OSBPL8: variants seen among roughly 807,000 people sequenced by gnomAD.
The protein encoded by OSBPL8 is oxysterol-binding protein-related protein 8.
Under a neutral mutation model 125.5 loss-of-function variants are expected in OSBPL8, and 59 were observed. The observed-to-expected ratio is 0.47, with a 90% CI of 0.38 to 0.58. The LOEUF is 0.58. Ranked by LOEUF, OSBPL8 falls within the 20% of genes least tolerant of loss-of-function variation. The probability of loss-of-function intolerance (pLI) is 0.00; values close to 1 mark genes in which losing one functional copy is unlikely to be tolerated. For missense variants in OSBPL8, 758 were observed against 1,047.8 expected, an observed-to-expected ratio of 0.72 and a Z score of 3.82; for synonymous variants, 330 against 338.9, an observed-to-expected ratio of 0.97 and a Z score of 0.29.
At chr12:76,408,143 T>TAAAAAAA (rs376221340) in intron 5 of OSBPL8, among the ~76,000 whole-genome samples, 1 of 92,030 alleles carries the variant, frequency 1.1e-5, no homozygotes, top group Non-Finnish European at 2.1e-5. Flanking sequence ...CCTCATCTCT[T>TAAAAAAA]AAAAAAAAAA....
chr12:76,459,732 CA>C (rs1276554394), intron 3 of OSBPL8, 126 bp downstream of exon 3: 13 of 1,089,604 alleles, frequency 1.2e-5, no homozygotes, highest in Non-Finnish European at 1.7e-5. Context: ...CTTTATATTT[CA>C]ATTCCTGGAA....
chr12:76,491,772 G>A (rs1430201427), intron 1 of OSBPL8, among the ~76,000 whole-genome samples: 4 of 152,126 alleles, frequency 2.6e-5, no homozygotes, highest in Admixed American at 2.0e-4. Context: ...ATCCAAAACA[G>A]CAGATGATAT....
At chr12:76,531,027 A>T (rs929957951) in intron 1 of OSBPL8, among the ~76,000 whole-genome samples, 42 of 152,168 alleles carry the variant, frequency 2.8e-4, no homozygotes, top group African/African-American at 7.5e-4. Flanking sequence ...TGCTATAAAC[A>T]ACTGCCCGAG....
chr12:76,446,169 A>G lies in OSBPL8; in HGVS notation c.217+4682T>C, dbSNP rs147657120. ...TGAGGACCTTTAAATGTTATGCACTATATTATCAATAAGCTTTTGGAACTC... is the reference window on the plus strand; with the variant it reads ...TGAGGACCTTTAAATGTTATGCACTGTATTATCAATAAGCTTTTGGAACTC... On this transcript the variant is annotated intron_variant, in intron 4 of 23. Transcript: ENST00000261183. Among the ~76,000 whole-genome samples the G allele has an allele frequency of 4.5e-4, 69 of 152,344 alleles. 1 individual carries two copies. In the East Asian group the frequency reaches 0.013, roughly 29 times the overall value.
intron 1 of OSBPL8, among the ~76,000 whole-genome samples, chr12:76,519,278 T>C (rs1188392858): frequency 2.0e-5 from 3 of 152,184 alleles, no homozygotes; most frequent in Admixed American, 2.0e-4. Flanking sequence ...CCAGGCTCTT[T>C]CTTTGCTGGG....
At chr12:76,373,513 C>A in intron 17 of OSBPL8, 80 bp from the exon 18 acceptor site, 2 of 1,029,766 alleles carry the variant, frequency 1.9e-6, no homozygotes, top group Non-Finnish European at 2.8e-6. Context: ...AAAAACCCAA[C>A]AAAAATTGCT....
intron 2 of OSBPL8, among the ~76,000 whole-genome samples, chr12:76,477,198 C>T (rs368168989): frequency 2.7e-4 from 41 of 152,300 alleles, no homozygotes; most frequent in Non-Finnish European, 4.9e-4. Flanking sequence ...CCAACTCAAA[C>T]TTTTGGGTCT....
intron 4 of OSBPL8, among the ~76,000 whole-genome samples, chr12:76,411,388 G>A (rs565000620): frequency 2.0e-5 from 3 of 152,042 alleles, no homozygotes; most frequent in South Asian, 2.1e-4. Flanking sequence ...TTTGAGGACA[G>A]GTACTATTAA....
chr12:76,371,438 G>A lies in OSBPL8; in HGVS notation c.2054+10C>T. The A allele has an allele frequency of 6.3e-7, 1 of 1,596,924 alleles. No individual in the cohort carries two copies. Among genetic ancestry groups the A allele is most frequent in the Non-Finnish European group, 8.5e-7 (1 of 1,172,096 alleles). ...TCCTCATGAAGTTAGCTGTAAAACA[G>A]TATACTTACTTCTCTGATTCAAAAT... On this transcript the variant is annotated intron_variant, in intron 19 of 23. Transcript: ENST00000261183.
At chr12:76,356,929 C>T (rs1360014704) in intron 22 of OSBPL8, among the ~76,000 whole-genome samples, 1 of 152,148 alleles carries the variant, frequency 6.6e-6, no homozygotes, top group Non-Finnish European at 1.5e-5. Flanking sequence ...TAAAGTACTA[C>T]ACATTAGTTG....
At position 76,482,079 on chromosome 12, in the gene OSBPL8, C is replaced by G. The variant is rs145359913; in HGVS notation, c.42+5431G>C. 5.1e-4 allele frequency among the ~76,000 whole-genome samples: 78 copies of G among 152,286 alleles called. No homozygotes were observed. The East Asian group carries it at 0.012, about 23-fold the overall frequency. On this transcript the variant is annotated intron_variant, in intron 2 of 23. Coordinates refer to ENST00000261183, the MANE Select transcript of OSBPL8 (RefSeq NM_020841.5). The stretch of plus-strand genomic sequence containing the variant: ...GAATTGCTGAACTAAATCATTTTTG[C>G]AGTTCCTTCCACTTCAGAAAGCTTT...
At chr12:76,490,859 G>A (rs1290555581) in intron 1 of OSBPL8, among the ~76,000 whole-genome samples, 1 of 152,230 alleles carries the variant, frequency 6.6e-6, no homozygotes, top group Admixed American at 6.5e-5. Context: ...TGGGGCTTCA[G>A]GAGTCACAGG....
In OSBPL8 at chr12:76,371,591, T is replaced by C; in HGVS notation, c.1918-7A>G. On this transcript the variant is annotated splice_polypyrimidine_tract_variant and splice_region_variant and intron_variant, in intron 18 of 23. Transcript: ENST00000261183. ...TAATAAAAACTTCACTATCCTATAT[T>C]TAAAAAAATTCAAAATTAATGTAAA... The C allele has an allele frequency of 1.3e-6, 2 of 1,551,508 alleles. No homozygotes were observed. Among genetic ancestry groups the C allele is most frequent in the Non-Finnish European group, 1.7e-6 (2 of 1,150,328 alleles).
chr12:76,368,197 G>A (rs531652813), intron 21 of OSBPL8, among the ~76,000 whole-genome samples: 2 of 152,240 alleles, frequency 1.3e-5, no homozygotes, highest in East Asian at 3.9e-4. Flanking sequence ...ATTCTTGATT[G>A]ACAAGTTTTT....
At chr12:76,480,934 C>T (rs562929278) in intron 2 of OSBPL8, among the ~76,000 whole-genome samples, 1 of 152,258 alleles carries the variant, frequency 6.6e-6, no homozygotes, top group East Asian at 1.9e-4. Context: ...ATCTGATTTT[C>T]TGAGTGGGTT....
At chr12:76,484,467 A>C (rs1003343033) in intron 2 of OSBPL8, among the ~76,000 whole-genome samples, 2 of 152,226 alleles carry the variant, frequency 1.3e-5, no homozygotes. Flanking sequence ...AACAATAAAA[A>C]TAGTTGCTTT....
intron 5 of OSBPL8, among the ~76,000 whole-genome samples, chr12:76,404,368 T>C (rs1456973301): frequency 2.0e-5 from 3 of 152,200 alleles, no homozygotes; most frequent in Non-Finnish European, 2.9e-5. Flanking sequence ...AAAATACTAA[T>C]AGTATTAGCT....
chr12:76,377,145 T>G (rs1187552072), intron 16 of OSBPL8, among the ~76,000 whole-genome samples: 1 of 152,240 alleles, frequency 6.6e-6, no homozygotes, highest in East Asian at 1.9e-4. Flanking sequence ...ATGGTGTGTA[T>G]GTGCCACATT....
chr12:76,405,814 TTAA>T (rs1194877081), intron 5 of OSBPL8, among the ~76,000 whole-genome samples: 2 of 152,238 alleles, frequency 1.3e-5, no homozygotes, highest in South Asian at 2.1e-4. Flanking sequence ...GACCACTCTC[TTAA>T]TGATGACCAT....
Sources: gnomAD v4.1 joint callset for allele counts (sites outside exome capture counted in the v4.1 genomes callset) on GRCh38, gnomAD v4.1.1 for gene constraint, MANE v1.5 for transcripts, NCBI Gene and HGNC (gene_info 2026-07-23, HGNC 2026-07-21) for gene names.